The following PTPRG variants were observed in gnomAD, a reference collection of about 807,000 sequenced individuals.
The protein encoded by PTPRG is receptor-type tyrosine-protein phosphatase gamma.
PTPRG carries 102 observed loss-of-function variants against 165.3 expected under a neutral mutation model. That is an observed-to-expected ratio of 0.62 (90% CI 0.53 to 0.73). The LOEUF is 0.73. Ranked by LOEUF, PTPRG falls within the 30% of genes least tolerant of loss-of-function variation. The pLI is 0.00. For synonymous variants in PTPRG, 675 were observed against 669.5 expected, an observed-to-expected ratio of 1.01 and a Z score of -0.13; for missense variants, 1,866 against 1,861.4, an observed-to-expected ratio of 1.00 and a Z score of -0.05.
chr3:62,121,626 C>A (rs1418296151), intron 5 of PTPRG, among the ~76,000 whole-genome samples: 2 of 152,100 alleles, frequency 1.3e-5, no homozygotes, highest in Non-Finnish European at 2.9e-5. Context: ...GTTACTTATT[C>A]CCAGGTTACT....
intron 11 of PTPRG, among the ~76,000 whole-genome samples, chr3:62,201,846 G>A (rs1166873492): frequency 1.3e-5 from 2 of 152,154 alleles, no homozygotes; most frequent in African/African-American, 4.8e-5. Context: ...AGTTAAATCT[G>A]TTCCAACCCT....
chr3:62,264,788 C>G lies in PTPRG; in HGVS notation c.2656+1894C>G, dbSNP rs142186523. Among the ~76,000 whole-genome samples the G allele has an allele frequency of 9.6e-3, 1,468 of 152,260 alleles. 20 individuals are homozygous for G. The highest frequency in any genetic ancestry group is 0.02 in the Middle Eastern group (6 of 294). On this transcript the variant is annotated intron_variant, in intron 17 of 29. Transcript: ENST00000474889. ...GTCTTTATGTAGACAGATATTTTCA[C>G]TTCTCTTTGGTGTATACGTAGGAGT...
chr3:62,073,471 G>A (rs889733899), intron 4 of PTPRG, among the ~76,000 whole-genome samples: 5 of 152,230 alleles, frequency 3.3e-5, no homozygotes, highest in African/African-American at 1.2e-4. Context: ...TATGATGCAC[G>A]GAGAAGATAT....
intron 1 of PTPRG, among the ~76,000 whole-genome samples, chr3:61,672,313 G>T (rs1175571732): frequency 6.9e-6 from 1 of 145,384 alleles, no homozygotes; most frequent in East Asian, 2.1e-4. Context: ...CTTCCCAGAC[G>T]GGGTGGCGGC....
intron 12 of PTPRG, among the ~76,000 whole-genome samples, chr3:62,204,281 C>A (rs1217745021): frequency 6.6e-6 from 1 of 152,160 alleles, no homozygotes; most frequent in African/African-American, 2.4e-5. Context: ...AGATTTCATT[C>A]CATATTCATT....
chr3:61,766,974 T>C (rs1033589331), intron 2 of PTPRG, among the ~76,000 whole-genome samples: 21 of 150,534 alleles, frequency 1.4e-4, no homozygotes, highest in African/African-American at 5.1e-4. Flanking sequence ...ACAGGAGCAC[T>C]GGCTCAGGCC....
At chr3:62,239,294 C>T (rs991749755) in intron 14 of PTPRG, among the ~76,000 whole-genome samples, 17 of 151,698 alleles carry the variant, frequency 1.1e-4, no homozygotes, top group Admixed American at 8.5e-4. Context: ...TGAAATTGCA[C>T]GCTCAGTGAC....
chr3:62,183,622 A>G (rs1401430940), intron 8 of PTPRG, among the ~76,000 whole-genome samples: 2 of 151,848 alleles, frequency 1.3e-5, no homozygotes, highest in Non-Finnish European at 2.9e-5. Context: ...GGTGGGCACT[A>G]TAGCAGCAAT....
intron 1 of PTPRG, among the ~76,000 whole-genome samples, chr3:61,734,184 C>G (rs2032629603): frequency 6.6e-6 from 1 of 152,180 alleles, no homozygotes; most frequent in African/African-American, 2.4e-5. Flanking sequence ...AGTGCTTTTT[C>G]TCTTTCTCGC....
intron 2 of PTPRG, among the ~76,000 whole-genome samples, chr3:61,795,380 C>T (rs1216598078): frequency 6.6e-6 from 1 of 151,940 alleles, no homozygotes; most frequent in Non-Finnish European, 1.5e-5. Context: ...TGATGGCTCA[C>T]ACCTATAATC....
At chr3:61,944,951 T>C (rs1409657183) in intron 2 of PTPRG, among the ~76,000 whole-genome samples, 1 of 152,184 alleles carries the variant, frequency 6.6e-6, no homozygotes, top group African/African-American at 2.4e-5. Context: ...CTGTCTGTCC[T>C]ACAGATTGCA....
intron 7 of PTPRG, among the ~76,000 whole-genome samples, chr3:62,163,810 T>C (rs1426949861): frequency 1.3e-5 from 2 of 152,222 alleles, no homozygotes; most frequent in African/African-American, 4.8e-5. Context: ...GTTACCTCCA[T>C]TGTACAAATA....
intron 8 of PTPRG, among the ~76,000 whole-genome samples, chr3:62,186,631 A>G (rs1312762729): frequency 1.4e-5 from 2 of 144,614 alleles, no homozygotes; most frequent in Admixed American, 7.0e-5. Flanking sequence ...CAGTGGCATG[A>G]TCAAAGCTCA....
intron 1 of PTPRG, among the ~76,000 whole-genome samples, chr3:61,664,771 C>A (rs528848527): frequency 6.6e-6 from 1 of 152,086 alleles, no homozygotes; most frequent in African/African-American, 2.4e-5. Context: ...GCGGAGGTTG[C>A]GGTGAGCCGA....
At chr3:61,650,408 G>A (rs979413521) in intron 1 of PTPRG, among the ~76,000 whole-genome samples, 73 of 152,122 alleles carry the variant, frequency 4.8e-4, no homozygotes, top group African/African-American at 1.4e-3. Flanking sequence ...GACGAGTTCC[G>A]CACAAAACTG....
chr3:61,854,781 T>C lies in PTPRG; in HGVS notation c.190+105799T>C, dbSNP rs530193173. On this transcript the variant is annotated intron_variant, in intron 2 of 29. Transcript: ENST00000474889. ...TTATAGCTATTTGAAGATCCACATA[T>C]CCTAAAAACCTGTAATATGAGGGTC... Among the ~76,000 whole-genome samples the C allele has an allele frequency of 3.9e-5, 6 of 152,308 alleles. No individual in the cohort carries two copies. In the South Asian group the frequency reaches 1.2e-3, roughly 32 times the overall value.
chr3:61,647,684 T>C (rs375049064), intron 1 of PTPRG, among the ~76,000 whole-genome samples: 26 of 149,376 alleles, frequency 1.7e-4, no homozygotes, highest in Admixed American at 5.4e-4. Flanking sequence ...CCCAGCTACT[T>C]GGGAGGCTGA....
rs1446048451 is a variant in PTPRG, at chr3:61,959,136, C to T, written c.191-30489C>T. Among the ~76,000 whole-genome samples, 4 of 152,204 alleles carry T rather than the reference C, an allele frequency of 2.6e-5. 1 individual carries two copies. The highest frequency in any genetic ancestry group is 2.6e-4 in the Admixed American group (4 of 15,286). ...TGACTTACCAGGAATGCTGCTCCCT[C>T]CGGTCCCTGCAAATCTAAGGCCTCA... On this transcript the variant is annotated intron_variant, in intron 2 of 29. Coordinates refer to ENST00000474889, the MANE Select transcript of PTPRG (RefSeq NM_002841.4).
At chr3:62,084,933 A>G (rs1028559538) in intron 5 of PTPRG, among the ~76,000 whole-genome samples, 3 of 152,228 alleles carry the variant, frequency 2.0e-5, no homozygotes, top group Non-Finnish European at 4.4e-5. Context: ...AATTTCATGG[A>G]AACACATTTA....
Sources: gnomAD v4.1 joint callset for allele counts (sites outside exome capture counted in the v4.1 genomes callset) on GRCh38, gnomAD v4.1.1 for gene constraint, MANE v1.5 for transcripts, NCBI Gene and HGNC (gene_info 2026-07-23, HGNC 2026-07-21) for gene names.